CLUL1: variants seen among roughly 807,000 people sequenced by gnomAD.
CLUL1 encodes clusterin-like protein 1.
Under a neutral mutation model 49.4 loss-of-function variants are expected in CLUL1, and 43 were observed. That is an observed-to-expected ratio of 0.87 (90% CI 0.68 to 1.12). The LOEUF is 1.12. CLUL1 is among the 50% of genes most tolerant of loss of function. CLUL1 has a pLI of 0.00. For synonymous variants in CLUL1, 192 were observed against 184.9 expected (o/e 1.04, Z -0.31); for missense variants, 486 against 544.4 (o/e 0.89, Z 1.07).
Position 648,004 on chromosome 18 carries a change from AAATT to A in CLUL1, c.1398-1886_1398-1883del, listed in dbSNP as rs1488761220. ...GGCAAACCCTCAATATTTGTTGAAT[AAATT>A]AATTAATAAACACGTGTAAATGAAT... On this transcript the variant is annotated intron_variant, in intron 9 of 9. Coordinates refer to ENST00000692774, the MANE Select transcript of CLUL1 (RefSeq NM_001393344.1). Among the ~76,000 whole-genome samples the A allele has an allele frequency of 3.2e-4, 49 of 152,246 alleles. 1 individual carries two copies. The highest frequency in any genetic ancestry group is 2.3e-3 in the South Asian group (11 of 4,812).
intron 2 of CLUL1, chr18:612,742 A>G (rs1052126258): frequency 6.6e-6 from 1 of 152,142 alleles, no homozygotes; most frequent in African/African-American, 2.4e-5. Context: ...TCTGGCTTCT[A>G]TATTTATTTG....
Position 645,093 on chromosome 18 carries a change from A to G in CLUL1, c.1393A>G (p.Thr465Ala). 1.3e-6 allele frequency: 2 copies of G among 1,598,044 alleles called. No individual in the cohort carries two copies. The highest frequency in any genetic ancestry group is 1.7e-6 in the Non-Finnish European group (2 of 1,173,120). ...ACAGCATTTTAAGGAACATTTTAAA[A>G]CCTGGTAAGCAGAGTGCCTGGTTAG... ...ALQHFKEHFK[T>A]W Residue 465 changes from threonine to alanine, a missense_variant, in exon 9 of 10, where the codon ACC becomes GCC. Physicochemically the swap from Thr to Ala is moderately conservative, Grantham distance 58. Transcript: ENST00000692774.
rs34918478 is a variant in CLUL1 at position 649,879 on chromosome 18, CTTTT to C, written c.1398-7_1398-4del. 116 of 1,153,838 alleles carry C rather than the reference CTTTT, an allele frequency of 1.0e-4. No homozygotes were observed. Among genetic ancestry groups the C allele is most frequent in the Non-Finnish European group, 1.1e-4 (91 of 810,930 alleles). The allele number at this position is 1,153,838 out of a possible 1,614,324, so 71.5% of individuals were successfully genotyped here. On this transcript the variant is annotated splice_polypyrimidine_tract_variant and intron_variant, in intron 9 of 9. Coordinates refer to ENST00000692774, the MANE Select transcript of CLUL1 (RefSeq NM_001393344.1). Reference sequence around the variant, plus strand: ...TTATTAGTATTTTGATCATTGCTGCCTTTTTTTTTTTTTTTAAGGTAAGAAGATC... The same window carrying C: ...TTATTAGTATTTTGATCATTGCTGCCTTTTTTTTTTTAAGGTAAGAAGATC...
chr18:605,849 T>C (rs2143934814), intron 1 of CLUL1, among the ~76,000 whole-genome samples: 1 of 152,152 alleles, frequency 6.6e-6, no homozygotes, highest in South Asian at 2.1e-4. Context: ...GATAATTTTG[T>C]ATTTTTTGTA....
intron 3 of CLUL1, 60 bp from the exon 4 acceptor site, chr18:619,153 G>T: frequency 6.6e-7 from 1 of 1,511,330 alleles, no homozygotes; most frequent in South Asian, 1.2e-5. Flanking sequence ...AAAGGTTGGT[G>T]AACTTGGTGT....
chr18:630,037 AATTT>A (rs924172936), intron 6 of CLUL1, among the ~76,000 whole-genome samples: 2 of 152,122 alleles, frequency 1.3e-5, no homozygotes, highest in African/African-American at 4.8e-5. Flanking sequence ...AGAACCTGTG[AATTT>A]ATGTTATGTG....
In CLUL1 at chr18:644,554, C is replaced by T. The variant is rs193212131; in HGVS notation, c.1210-356C>T. ...ATGTGGCAAGTTCTGGCCAGTGAAG[C>T]GTGAGCAAAACTGAAAAGGGTTCTT... On this transcript the variant is annotated intron_variant, in intron 8 of 9. Transcript: ENST00000692774. Among the ~76,000 whole-genome samples the T allele has an allele frequency of 6.1e-4, 93 of 152,308 alleles. No individual in the cohort carries two copies. In the East Asian group the frequency reaches 7.9e-3, roughly 13 times the overall value.
intron 7 of CLUL1, among the ~76,000 whole-genome samples, chr18:639,861 C>T (rs8086612): frequency 1.3e-5 from 2 of 151,784 alleles, no homozygotes; most frequent in Non-Finnish European, 2.9e-5. Flanking sequence ...AATGAAGGAA[C>T]CAGCAGGGTG....
At chr18:628,756 C>T (rs569483413) in intron 6 of CLUL1, among the ~76,000 whole-genome samples, 10 of 151,570 alleles carry the variant, frequency 6.6e-5, no homozygotes, top group South Asian at 2.1e-4. Context: ...CTCAGCTTCC[C>T]GAGTAGTGGG....
intron 6 of CLUL1, 112 bp from the exon 7 acceptor site, chr18:633,186 T>G: frequency 1.3e-6 from 1 of 797,644 alleles, no homozygotes; most frequent in Non-Finnish European, 1.9e-6. Context: ...CATACATACA[T>G]ATAGGAAAAA....
chr18:598,499 G>A (rs530295166), intron 1 of CLUL1: 34 of 398,500 alleles, frequency 8.5e-5, no homozygotes, highest in East Asian at 3.6e-4. Context: ...ACATCCTCTA[G>A]GCAGTATCAG....
chr18:643,281 CATG>C (rs1225618802), intron 8 of CLUL1, among the ~76,000 whole-genome samples: 15 of 152,172 alleles, frequency 9.9e-5, no homozygotes, highest in South Asian at 8.3e-4. Flanking sequence ...TGTTTTGAAT[CATG>C]ATGTCAAGTG....
At chr18:628,762 G>T (rs1345670718) in intron 6 of CLUL1, among the ~76,000 whole-genome samples, 1 of 151,110 alleles carries the variant, frequency 6.6e-6, no homozygotes, top group Non-Finnish European at 1.5e-5. Flanking sequence ...TTCCCGAGTA[G>T]TGGGGATTAC....
In CLUL1 at chr18:645,801, AAAAAAAAAAATATATATATATATATAT is replaced by A. The variant is rs1326327030; in HGVS notation, c.1397+706_1397+732del. ...AGAGCGAGACTCTGTTTAAAAAAAA[AAAAAAAAAAATATATATATATATATAT>A]ATATATATATATATATATATATATG... is the stretch of plus-strand genomic sequence containing the variant. On this transcript the variant is annotated intron_variant, in intron 9 of 9. Coordinates refer to ENST00000692774, the MANE Select transcript of CLUL1 (RefSeq NM_001393344.1). Among the ~76,000 whole-genome samples, 84 of 50,996 alleles carry A rather than the reference AAAAAAAAAAATATATATATATATATAT, an allele frequency of 1.6e-3. 11 individuals carry two copies. The highest frequency in any genetic ancestry group is 6.5e-3 in the African/African-American group (81 of 12,484). 33.5% of individuals were successfully genotyped at this position (50,996 alleles called of 152,430 possible). A position where few individuals can be genotyped will look rare whatever the true frequency, so the allele number is the denominator to read the frequency against.
At chr18:616,576 G>A (rs483706) in intron 2 of CLUL1, 217,584 of 229,820 alleles carry the variant, frequency 0.95, 103,508 homozygotes, top group East Asian at 1. Context: ...GTTTTCTTCT[G>A]AACAGTACCA....
rs1172372573 is a variant in CLUL1 at position 618,734 on chromosome 18, G to A, written c.107-479G>A. Among the ~76,000 whole-genome samples the A allele has an allele frequency of 1.3e-5, 2 of 152,106 alleles. No individual in the cohort carries two copies. The highest frequency in any genetic ancestry group is 2.4e-5 in the African/African-American group (1 of 41,404). On this transcript the variant is annotated intron_variant, in intron 3 of 9. Coordinates refer to ENST00000692774, the MANE Select transcript of CLUL1 (RefSeq NM_001393344.1). The surrounding 1 kb of genome is among the most constrained non-coding windows in gnomAD (Gnocchi z 4.2). ...GGCTTATTAAAGGTGTATAAGACAC[G>A]TCCATTGAGTTATTAAGGAAGCTCG...
In CLUL1 at chr18:639,400, C is replaced by T. The variant is rs565565992; in HGVS notation, c.995-1927C>T. Reference sequence around the variant, plus strand: ...GAGCCGAGATCGCACCATTGCACTCCAGCCTGGGTGACAGAGCGAGACTCC... The same window carrying T: ...GAGCCGAGATCGCACCATTGCACTCTAGCCTGGGTGACAGAGCGAGACTCC... On this transcript the variant is annotated intron_variant, in intron 7 of 9. Coordinates refer to ENST00000692774, the MANE Select transcript of CLUL1 (RefSeq NM_001393344.1). Among the ~76,000 whole-genome samples, 213 of 142,670 alleles carry T rather than the reference C, an allele frequency of 1.5e-3. 1 individual carries two copies. Among genetic ancestry groups the T allele is most frequent in the Non-Finnish European group, 2.8e-3 (184 of 66,780 alleles). The allele number at this position is 142,670 out of a possible 152,430, so 93.6% of individuals were successfully genotyped here. A position where few individuals can be genotyped will look rare whatever the true frequency, so the allele number is the denominator to read the frequency against.
At chr18:621,396 T>C (rs953898747) in intron 4 of CLUL1, among the ~76,000 whole-genome samples, 5 of 152,186 alleles carry the variant, frequency 3.3e-5, no homozygotes, top group African/African-American at 4.8e-5. Context: ...CTGGTTGATG[T>C]TGCAGCCTCA....
At chr18:624,733 C>T (rs1399767564) in intron 4 of CLUL1, 132 bp from the exon 5 acceptor site, 1 of 760,288 alleles carries the variant, frequency 1.3e-6, no homozygotes, top group Non-Finnish European at 2.1e-6. Context: ...GGAGATCTGA[C>T]AGCTGCGAGG....
Sources: gnomAD v4.1 joint callset for allele counts (sites outside exome capture counted in the v4.1 genomes callset) on GRCh38, gnomAD v4.1.1 for gene constraint, Gnocchi (gnomAD v3.1) non-coding constraint, MANE v1.5 for transcripts, NCBI Gene and HGNC (gene_info 2026-07-23, HGNC 2026-07-21) for gene names.